Variants in SPDEF observed in about 807,000 individuals in gnomAD.
SPDEF encodes SAM pointed domain containing ETS transcription factor.
A neutral mutation model predicts 36.0 loss-of-function variants in SPDEF; 12 were observed. That is an observed-to-expected ratio of 0.33 (90% CI 0.21 to 0.54). The LOEUF is 0.54. Among genes scored for constraint, SPDEF ranks in the 20% least tolerant of loss-of-function variants. SPDEF has a pLI of 0.93. For synonymous variants in SPDEF, 205 were observed against 193.0 expected (o/e 1.06, Z -0.51); for missense variants, 388 against 456.9 (o/e 0.85, Z 1.37).
At position 34,555,172 on chromosome 6, in the gene SPDEF, C is replaced by T. The variant is rs1768140784; in HGVS notation, c.-30+757G>A. Among the ~76,000 whole-genome samples, 1 of 151,514 alleles carries T rather than the reference C, an allele frequency of 6.6e-6. No homozygotes were observed. Among genetic ancestry groups the T allele is most frequent in the Non-Finnish European group, 1.5e-5 (1 of 67,966 alleles). ...TCCACCAGCCTCAGGGGCACCCAGT[C>T]GCCCAGGCCCTTCAGCTTCCCACCC... On this transcript the variant is annotated intron_variant, in intron 1 of 5. Coordinates refer to ENST00000374037, the MANE Select transcript of SPDEF (RefSeq NM_012391.3). The surrounding 1 kb of genome is among the most constrained non-coding windows in gnomAD (Gnocchi z 5.2).
chr6:34,550,866 A>C (rs770961472), intron 1 of SPDEF, among the ~76,000 whole-genome samples: 5 of 152,208 alleles, frequency 3.3e-5, no homozygotes, highest in Non-Finnish European at 7.3e-5. Flanking sequence ...CACAGTTCCC[A>C]CGGGCAGCAG....
intron 1 of SPDEF, among the ~76,000 whole-genome samples, chr6:34,550,477 C>T (rs926060379): frequency 1.3e-5 from 2 of 152,190 alleles, no homozygotes; most frequent in African/African-American, 4.8e-5. Flanking sequence ...CCTGCTTCCC[C>T]AGGGTCTCCA....
rs2127280565 is a variant in SPDEF at position 34,538,543 on chromosome 6, A to G, written c.830-91T>C. On this transcript the variant is annotated intron_variant, in intron 5 of 5. Transcript: ENST00000374037. The surrounding 1 kb of genome is among the most constrained non-coding windows in gnomAD (Gnocchi z 5.9). The stretch of plus-strand genomic sequence containing the variant: ...GACCACCAGGTCAGCCTCGTGGCGA[A>G]CCAAGGGACCCCGTGCAGAGGCCTC... 2.2e-6 allele frequency: 3 copies of G among 1,352,038 alleles called. No individual in the cohort carries two copies. Among genetic ancestry groups the G allele is most frequent in the Non-Finnish European group, 3.0e-6 (3 of 986,894 alleles). 83.8% of individuals were successfully genotyped at this position (1,352,038 alleles called of 1,614,324 possible). A position where few individuals can be genotyped will look rare whatever the true frequency, so the allele number is the denominator to read the frequency against.
At chr6:34,543,794 C>T (rs1260506478) in intron 2 of SPDEF, among the ~76,000 whole-genome samples, 1 of 152,180 alleles carries the variant, frequency 6.6e-6, no homozygotes, top group Non-Finnish European at 1.5e-5. Context: ...CCAGCACCTA[C>T]CAGTGGGGAC....
In SPDEF at chr6:34,538,601, C is replaced by A; in HGVS notation, c.830-149G>T. On this transcript the variant is annotated intron_variant, in intron 5 of 5. Coordinates refer to ENST00000374037, the MANE Select transcript of SPDEF (RefSeq NM_012391.3). The surrounding 1 kb of genome is among the most constrained non-coding windows in gnomAD (Gnocchi z 5.9). ...TCGGGTGGGGCGGGGTGTGGGGGCC[C>A]AAATGCCTACTCCCAAGGTGTAGTT... The A allele has an allele frequency of 1.4e-6, 1 of 720,706 alleles. No homozygotes were observed. Among genetic ancestry groups the A allele is most frequent in the Non-Finnish European group, 2.3e-6 (1 of 443,738 alleles). The allele number at this position is 720,706 out of a possible 1,614,324, so 44.6% of individuals were successfully genotyped here.
chr6:34,551,486 G>A (rs1195123150), intron 1 of SPDEF, among the ~76,000 whole-genome samples: 1 of 152,184 alleles, frequency 6.6e-6, no homozygotes, highest in Non-Finnish European at 1.5e-5. Flanking sequence ...TGTAGGCCAG[G>A]TCATCTCTGA....
intron 1 of SPDEF, among the ~76,000 whole-genome samples, chr6:34,551,163 C>T (rs1387485044): frequency 6.6e-6 from 1 of 152,200 alleles, no homozygotes; most frequent in African/African-American, 2.4e-5. Context: ...CTGGCAGACC[C>T]GGCATCTTCT....
At chr6:34,551,403 A>G (rs3945698) in intron 1 of SPDEF, among the ~76,000 whole-genome samples, 7,606 of 152,166 alleles carry the variant, frequency 0.05, 414 homozygotes, top group African/African-American at 0.13. Context: ...TGCAGGTGAC[A>G]CCCTGCCCTG....
intron 2 of SPDEF, 148 bp downstream of exon 2, chr6:34,543,872 T>A (rs1056285308): frequency 2.8e-6 from 2 of 706,966 alleles, no homozygotes; most frequent in Middle Eastern, 3.7e-4. Context: ...CACAGCTGAC[T>A]GTGTGTAGAA....
At position 34,538,027 on chromosome 6, in the gene SPDEF, C is replaced by T. The variant is rs1767730435; in HGVS notation, c.*247G>A. On this transcript the variant is annotated 3_prime_UTR_variant, in exon 6 of 6. Transcript: ENST00000374037. This position sits in a 1 kb window ranked among gnomAD's most constrained non-coding sequence, Gnocchi z 5.9. ...CAGAGGCAGGTGTTGGGGAGCAGCC[C>T]TGTCTCCCTCTGTCCTCCAGGGGAG... is the stretch of plus-strand genomic sequence containing the variant. 6.3e-6 allele frequency: 3 copies of T among 476,316 alleles called. No homozygotes were observed. Among genetic ancestry groups the T allele is most frequent in the Non-Finnish European group, 1.1e-5 (3 of 264,456 alleles). The allele number at this position is 476,316 out of a possible 1,614,324, so 29.5% of individuals were successfully genotyped here.
chr6:34,554,663 A>C (rs748106883), intron 1 of SPDEF, among the ~76,000 whole-genome samples: 14 of 152,202 alleles, frequency 9.2e-5, no homozygotes, highest in Non-Finnish European at 4.4e-5. Flanking sequence ...TGGGACTCCA[A>C]GCTGGGGGTC....
At chr6:34,546,875 C>T (rs965748415) in intron 1 of SPDEF, among the ~76,000 whole-genome samples, 8 of 152,152 alleles carry the variant, frequency 5.3e-5, no homozygotes, top group African/African-American at 1.2e-4. Flanking sequence ...TGCAAACACT[C>T]GTGTGTGCTG....
In SPDEF at chr6:34,552,532, C is replaced by T. The variant is rs1025285468; in HGVS notation, c.-30+3397G>A. 6.6e-6 allele frequency among the ~76,000 whole-genome samples: 1 copy of T among 152,194 alleles called. No homozygotes were observed. ...AGTGGTGACTGCTGTCTCCATCTGC[C>T]GTGTTTCTGCGGCCCCTCCAGACCC... is the stretch of plus-strand genomic sequence containing the variant. On this transcript the variant is annotated intron_variant, in intron 1 of 5. Coordinates refer to ENST00000374037, the MANE Select transcript of SPDEF (RefSeq NM_012391.3). This position sits in a 1 kb window ranked among gnomAD's most constrained non-coding sequence, Gnocchi z 4.6.
At chr6:34,545,199 A>G (rs535008527) in intron 1 of SPDEF, among the ~76,000 whole-genome samples, 1 of 152,288 alleles carries the variant, frequency 6.6e-6, no homozygotes, top group Non-Finnish European at 1.5e-5. Context: ...ACCCTCCCTC[A>G]GAAGGTGCTG....
chr6:34,554,699 G>T lies in SPDEF; in HGVS notation c.-30+1230C>A, dbSNP rs1391648095. Among the ~76,000 whole-genome samples, 6 of 152,256 alleles carry T rather than the reference G, an allele frequency of 3.9e-5. No homozygotes were observed. In the East Asian group the frequency reaches 1.2e-3, roughly 29 times the overall value. On this transcript the variant is annotated intron_variant, in intron 1 of 5. Coordinates refer to ENST00000374037, the MANE Select transcript of SPDEF (RefSeq NM_012391.3). ...CTTGGCTCTGGCCCCTCTTGCAGGT[G>T]GGTGGAGGGAAGCTCAGCCCAACTG...
rs2233643 is a variant in SPDEF at position 34,541,114 on chromosome 6, C to G, written c.504G>C (p.Leu168=). The G allele has an allele frequency of 1.2e-3, 1,962 of 1,610,388 alleles. 21 individuals are homozygous for G. The African/African-American group carries it at 0.023, about 19-fold the overall frequency. Residue 168 remains leucine, a synonymous_variant, in exon 3 of 6, where the codon CTG becomes CTC. Transcript: ENST00000374037. ...WLLWTEHQYR[L]PPMGKAFQEL... ...CCTGGAAGGCCTTGCCCATGGGGGG[C>G]AGCCGGTATTGGTGCTCTGTCCACA...
At position 34,541,192 on chromosome 6, in the gene SPDEF, G is replaced by A. The variant is rs535848938; in HGVS notation, c.437-11C>T. 55 of 1,589,652 alleles carry A rather than the reference G, an allele frequency of 3.5e-5. 1 individual carries two copies. In the South Asian group the frequency reaches 4.8e-4, roughly 14 times the overall value. On this transcript the variant is annotated splice_polypyrimidine_tract_variant and intron_variant, in intron 2 of 5. Coordinates refer to ENST00000374037, the MANE Select transcript of SPDEF (RefSeq NM_012391.3). Reference sequence around the variant, plus strand: ...TCCAGTCCATGGGATCTGGGCAAGAGGCATCCCCTCAGCTCAGGGGTGGCC... The same window carrying A: ...TCCAGTCCATGGGATCTGGGCAAGAAGCATCCCCTCAGCTCAGGGGTGGCC...
chr6:34,547,433 A>G (rs1474963811), intron 1 of SPDEF, among the ~76,000 whole-genome samples: 1 of 152,104 alleles, frequency 6.6e-6, no homozygotes, highest in East Asian at 1.9e-4. Flanking sequence ...GGGCATGATC[A>G]TGGCTCACTG....
chr6:34,541,494 G>T (rs74434251), intron 2 of SPDEF, among the ~76,000 whole-genome samples: 2,846 of 152,332 alleles, frequency 0.019, 43 homozygotes, highest in Admixed American at 0.034. Flanking sequence ...CCTTTCGAGG[G>T]AGCCTCAGCC....
Sources: gnomAD v4.1 joint callset for allele counts (sites outside exome capture counted in the v4.1 genomes callset) on GRCh38, gnomAD v4.1.1 for gene constraint, Gnocchi (gnomAD v3.1) non-coding constraint, MANE v1.5 for transcripts, NCBI Gene and HGNC (gene_info 2026-07-23, HGNC 2026-07-21) for gene names.